The following RHBDD1 variants were observed in gnomAD, a reference collection of about 807,000 sequenced individuals.
The protein encoded by RHBDD1 is rhomboid-related protein 4.
Under a neutral mutation model 36.3 loss-of-function variants are expected in RHBDD1, and 38 were observed. That is an observed-to-expected ratio of 1.05 (90% CI 0.81 to 1.37). The LOEUF (loss-of-function observed/expected upper bound fraction) is 1.37. Ranked by LOEUF, RHBDD1 falls within the 40% of genes most tolerant of loss-of-function variation. The pLI is 0.00. For missense variants in RHBDD1, 393 were observed against 377.6 expected (o/e 1.04, Z -0.34); for synonymous variants, 151 against 136.5 (o/e 1.11, Z -0.74).
intron 3 of RHBDD1, among the ~76,000 whole-genome samples, chr2:226,862,905 CTT>C (rs766925370): frequency 1.3e-5 from 2 of 152,188 alleles, no homozygotes; most frequent in Non-Finnish European, 2.9e-5. Flanking sequence ...GTGCCAGTCT[CTT>C]TTAACAACCA....
At chr2:226,963,789 T>G (rs1952409060) in intron 8 of RHBDD1, among the ~76,000 whole-genome samples, 1 of 152,028 alleles carries the variant, frequency 6.6e-6, no homozygotes. Flanking sequence ...ACATGCACAT[T>G]AACCTCTCAA....
intron 3 of RHBDD1, among the ~76,000 whole-genome samples, chr2:226,863,853 T>C (rs947369515): frequency 6.6e-6 from 1 of 152,164 alleles, no homozygotes; most frequent in Non-Finnish European, 1.5e-5. Flanking sequence ...GAACTTCTCA[T>C]TGTCAACCCC....
chr2:226,959,624 C>T (rs1260338534), intron 8 of RHBDD1, among the ~76,000 whole-genome samples: 4 of 152,168 alleles, frequency 2.6e-5, no homozygotes, highest in Non-Finnish European at 4.4e-5. Context: ...GTCCATTGTA[C>T]AGATATACCA....
intron 8 of RHBDD1, among the ~76,000 whole-genome samples, chr2:226,983,092 C>T (rs1956145886): frequency 6.6e-6 from 1 of 152,166 alleles, no homozygotes; most frequent in Non-Finnish European, 1.5e-5. Flanking sequence ...CAAAGGCAAA[C>T]ATAACCACAG....
At chr2:226,897,557 C>G (rs923847220) in intron 5 of RHBDD1, among the ~76,000 whole-genome samples, 8 of 152,116 alleles carry the variant, frequency 5.3e-5, no homozygotes, top group African/African-American at 1.9e-4. Flanking sequence ...CAAAACTGAG[C>G]CTCTGCTGAA....
chr2:226,848,227 A>C (rs1942427713), intron 3 of RHBDD1, among the ~76,000 whole-genome samples: 1 of 151,996 alleles, frequency 6.6e-6, no homozygotes, highest in African/African-American at 2.4e-5. Context: ...TAGATCTACA[A>C]ATTGACTTGT....
chr2:226,991,488 A>G (rs1486327096), intron 8 of RHBDD1, among the ~76,000 whole-genome samples: 1 of 152,200 alleles, frequency 6.6e-6, no homozygotes, highest in African/African-American at 2.4e-5. Flanking sequence ...CCCATTTTGT[A>G]TATCTCTTAT....
rs1372662894 is a variant in RHBDD1 at position 226,895,972 on chromosome 2, ATAT to A, written c.567-10817_567-10815del. 4 of 199,748 alleles carry A rather than the reference ATAT, an allele frequency of 2.0e-5. No individual in the cohort carries two copies. In the Admixed American group the frequency reaches 2.6e-4, roughly 13 times the overall value. The allele number at this position is 199,748 out of a possible 1,614,324, so 12.4% of individuals were successfully genotyped here. ...ATAAGAGGGATGTTACCTTCCCCACATATTATCTATTAATATTTTTTATGTATT... is the reference window on the plus strand; with the variant it reads ...ATAAGAGGGATGTTACCTTCCCCACATATCTATTAATATTTTTTATGTATT... On this transcript the variant is annotated intron_variant, in intron 5 of 8. Coordinates refer to ENST00000392062, the MANE Select transcript of RHBDD1 (RefSeq NM_001167608.3).
intron 5 of RHBDD1, among the ~76,000 whole-genome samples, chr2:226,900,274 C>T (rs571978571): frequency 1.3e-5 from 2 of 152,272 alleles, no homozygotes; most frequent in Admixed American, 6.5e-5. Flanking sequence ...TTACCTTGCT[C>T]TCAAGTTGAG....
At chr2:226,829,707 T>C in the RHBDD1 span, among the ~76,000 whole-genome samples, 3 of 152,292 alleles carry the variant, frequency 2.0e-5, no homozygotes, top group East Asian at 5.8e-4. Context: ...ATCCTGAGAC[T>C]GTGCTAAACT....
chr2:226,989,479 G>T (rs1336675493), intron 8 of RHBDD1, among the ~76,000 whole-genome samples: 2 of 152,170 alleles, frequency 1.3e-5, no homozygotes, highest in Non-Finnish European at 1.5e-5. Context: ...CTGGATATTG[G>T]TCTCACATGT....
the RHBDD1 span, among the ~76,000 whole-genome samples, chr2:226,828,031 G>T: frequency 6.6e-6 from 1 of 152,170 alleles, no homozygotes; most frequent in African/African-American, 2.4e-5. Context: ...AATTTATAGT[G>T]TTAATAAATT....
chr2:226,862,353 C>CTTTTTTTT (rs565626444), intron 3 of RHBDD1, among the ~76,000 whole-genome samples: 1 of 130,578 alleles, frequency 7.7e-6, no homozygotes. Context: ...AGAATCCTGC[C>CTTTTTTTT]TTTTTTTTTT....
chr2:226,804,257 T>G, the RHBDD1 span: 7 of 152,220 alleles, frequency 4.6e-5, no homozygotes, highest in African/African-American at 1.7e-4. Flanking sequence ...ATCCCAGTCC[T>G]GCTAAACCAA....
intron 8 of RHBDD1, among the ~76,000 whole-genome samples, chr2:226,956,577 A>G (rs1185841448): frequency 2.0e-5 from 3 of 152,202 alleles, no homozygotes; most frequent in African/African-American, 7.2e-5. Context: ...TTTGGGCTAC[A>G]TCTTTTGTAC....
chr2:226,894,150 C>G (rs1314578113), intron 5 of RHBDD1, among the ~76,000 whole-genome samples: 1 of 152,204 alleles, frequency 6.6e-6, no homozygotes, highest in African/African-American at 2.4e-5. Flanking sequence ...AAGCCTGCAT[C>G]TGTAACCACC....
In RHBDD1 at chr2:226,947,534, T is replaced by C. The variant is rs1447875763; in HGVS notation, c.856+33183T>C. Reference sequence around the variant, plus strand: ...TGTAGTATAGTTTGAAGTCAGGTAGTGTGATGCCTCCAGCTTTGTTCTTTT... The same window carrying C: ...TGTAGTATAGTTTGAAGTCAGGTAGCGTGATGCCTCCAGCTTTGTTCTTTT... On this transcript the variant is annotated intron_variant, in intron 8 of 8. Transcript: ENST00000392062. Among the ~76,000 whole-genome samples the C allele has an allele frequency of 3.9e-5, 6 of 152,210 alleles. No homozygotes were observed. In the East Asian group the frequency reaches 7.7e-4, roughly 20 times the overall value.
intron 3 of RHBDD1, among the ~76,000 whole-genome samples, chr2:226,864,403 A>C (rs1303582345): frequency 6.6e-6 from 1 of 152,180 alleles, no homozygotes; most frequent in Non-Finnish European, 1.5e-5. Context: ...GATTTGGGAT[A>C]ACATTTCTAT....
At position 226,907,148 on chromosome 2, in the gene RHBDD1, C is replaced by T. The variant is rs555658895; in HGVS notation, c.655+267C>T. ...TTATACCCTCAACCTTAATGCTACC[C>T]GCAGAAAACCACGATTTCCTAAAGA... is the stretch of plus-strand genomic sequence containing the variant. On this transcript the variant is annotated intron_variant, in intron 6 of 8. Coordinates refer to ENST00000392062, the MANE Select transcript of RHBDD1 (RefSeq NM_001167608.3). The T allele has an allele frequency of 8.8e-5, 45 of 509,578 alleles. No homozygotes were observed. The East Asian group carries it at 1.2e-3, about 14-fold the overall frequency. 31.6% of individuals were successfully genotyped at this position (509,578 alleles called of 1,614,324 possible).
Sources: gnomAD v4.1 joint callset for allele counts (sites outside exome capture counted in the v4.1 genomes callset) on GRCh38, gnomAD v4.1.1 for gene constraint, MANE v1.5 for transcripts, NCBI Gene and HGNC (gene_info 2026-07-23, HGNC 2026-07-21) for gene names.